Variants in RNF217 observed in about 807,000 individuals in gnomAD.
The protein encoded by RNF217 is E3 ubiquitin-protein ligase RNF217.
Under a neutral mutation model 57.8 loss-of-function variants are expected in RNF217, and 31 were observed. That is an observed-to-expected ratio of 0.54 (90% CI 0.40 to 0.72). The LOEUF is 0.72. Among genes scored for constraint, RNF217 ranks in the 30% least tolerant of loss-of-function variants. The pLI is 0.00. For synonymous variants in RNF217, 313 were observed against 294.0 expected, an observed-to-expected ratio of 1.06 and a Z score of -0.66; for missense variants, 696 against 708.3, an observed-to-expected ratio of 0.98 and a Z score of 0.20.
At chr6:125,024,129 C>T (rs959299388) in intron 1 of RNF217, among the ~76,000 whole-genome samples, 5 of 152,128 alleles carry the variant, frequency 3.3e-5, no homozygotes, top group African/African-American at 1.2e-4. Flanking sequence ...ACAAAGAGTA[C>T]TCCAAAGCCT....
At chr6:125,062,819 G>A (rs1435100073) in intron 3 of RNF217, among the ~76,000 whole-genome samples, 1 of 152,050 alleles carries the variant, frequency 6.6e-6, no homozygotes, top group Admixed American at 6.6e-5. Flanking sequence ...CAGGTGATCC[G>A]CCCACCTCAG....
At chr6:125,006,317 T>A (rs1562464186) in intron 1 of RNF217, 1 of 152,166 alleles carries the variant, frequency 6.6e-6, no homozygotes, top group Admixed American at 6.5e-5. Context: ...AAAGAGTTGT[T>A]CAATGCAGGT....
At chr6:125,050,517 A>G (rs9482588) in intron 2 of RNF217, among the ~76,000 whole-genome samples, 1,746 of 152,082 alleles carry the variant, frequency 0.011, 26 homozygotes, top group African/African-American at 0.036. Context: ...CACTACACAA[A>G]TATTTTCTCA....
chr6:125,081,384 T>C, intron 4 of RNF217, 52 bp from the exon 5 acceptor site: 2 of 1,339,648 alleles, frequency 1.5e-6, no homozygotes, highest in Non-Finnish European at 2.1e-6. Context: ...CTGTAATTAT[T>C]TGGTAGGTTA....
chr6:125,037,890 A>G (rs1229783859), intron 1 of RNF217, among the ~76,000 whole-genome samples: 1 of 152,200 alleles, frequency 6.6e-6, no homozygotes, highest in South Asian at 2.1e-4. Context: ...GTAAACTATC[A>G]TGACCAACAC....
At chr6:124,984,541 CAAAAAAA>C (rs750251821) in intron 1 of RNF217, among the ~76,000 whole-genome samples, 8 of 74,232 alleles carry the variant, frequency 1.1e-4, no homozygotes, top group Admixed American at 3.0e-4. Flanking sequence ...GACCCTTTCT[CAAAAAAA>C]AAAAAAAAAA....
intron 1 of RNF217, among the ~76,000 whole-genome samples, chr6:125,014,858 G>A (rs1785545875): frequency 6.6e-6 from 1 of 152,086 alleles, no homozygotes; most frequent in African/African-American, 2.4e-5. Context: ...TAGGGACTCA[G>A]TCATGCATGT....
At chr6:124,989,049 ATAATT>A (rs1404216864) in intron 1 of RNF217, among the ~76,000 whole-genome samples, 3 of 94,710 alleles carry the variant, frequency 3.2e-5, no homozygotes, top group African/African-American at 9.1e-5. Context: ...CTGCTACAAT[ATAATT>A]TAATTTGCTT....
At chr6:125,010,452 C>G (rs1019393553) in intron 1 of RNF217, among the ~76,000 whole-genome samples, 1 of 152,086 alleles carries the variant, frequency 6.6e-6, no homozygotes, top group Non-Finnish European at 1.5e-5. Flanking sequence ...TCTAAACAAG[C>G]AATTCATGAA....
intron 1 of RNF217, among the ~76,000 whole-genome samples, chr6:125,044,692 G>T (rs1582746800): frequency 6.6e-6 from 1 of 152,084 alleles, no homozygotes; most frequent in East Asian, 1.9e-4. Flanking sequence ...GTTATTTTTT[G>T]TAACAATTTT....
chr6:124,965,529 CAT>C (rs1783505013), intron 1 of RNF217, among the ~76,000 whole-genome samples: 1 of 152,094 alleles, frequency 6.6e-6, no homozygotes, highest in African/African-American at 2.4e-5. Flanking sequence ...GCCAAGATCA[CAT>C]GATTGCACTC....
intron 3 of RNF217, among the ~76,000 whole-genome samples, chr6:125,075,573 G>A (rs1788330666): frequency 6.6e-6 from 1 of 152,056 alleles, no homozygotes; most frequent in Non-Finnish European, 1.5e-5. Context: ...GAAGGAAACT[G>A]CCCCCATGAT....
chr6:124,974,595 A>G (rs1024814599), intron 1 of RNF217, among the ~76,000 whole-genome samples: 11 of 152,184 alleles, frequency 7.2e-5, no homozygotes, highest in African/African-American at 2.7e-4. Flanking sequence ...TTTCCTTTCC[A>G]TTAGAGTATA....
chr6:124,968,000 G>A (rs1783613591), intron 1 of RNF217, among the ~76,000 whole-genome samples: 1 of 152,132 alleles, frequency 6.6e-6, no homozygotes, highest in Non-Finnish European at 1.5e-5. Context: ...GGCTGGTCTC[G>A]AACTCCTGAC....
intron 1 of RNF217, among the ~76,000 whole-genome samples, chr6:124,998,203 TCA>T (rs1219958193): frequency 1.3e-5 from 2 of 152,222 alleles, no homozygotes; most frequent in Admixed American, 6.5e-5. Context: ...CCTTATTTTT[TCA>T]CACTTTACTT....
rs1182394653 is a variant in RNF217 at position 125,090,250 on chromosome 6, T to G, written c.*7313T>G. The G allele has an allele frequency of 6.6e-6, 1 of 152,108 alleles. No homozygotes were observed. Among genetic ancestry groups the G allele is most frequent in the African/African-American group, 2.4e-5 (1 of 41,444 alleles). 9.4% of individuals were successfully genotyped at this position (152,108 alleles called of 1,614,324 possible). A position where few individuals can be genotyped will look rare whatever the true frequency, so the allele number is the denominator to read the frequency against. On this transcript the variant is annotated 3_prime_UTR_variant, in exon 6 of 6. Transcript: ENST00000521654. The stretch of plus-strand genomic sequence containing the variant: ...TTTTTAATATGAAAATTGACAATTT[T>G]GTTGCTTTTAGAAGCAATTAACATA...
At chr6:124,981,589 T>G (rs752579691) in intron 1 of RNF217, among the ~76,000 whole-genome samples, 7 of 152,152 alleles carry the variant, frequency 4.6e-5, no homozygotes, top group Non-Finnish European at 7.3e-5. Flanking sequence ...CCTTTTTACA[T>G]AAACAGCAAG....
intron 1 of RNF217, among the ~76,000 whole-genome samples, chr6:125,014,602 T>C (rs1455405220): frequency 6.6e-6 from 1 of 152,134 alleles, no homozygotes; most frequent in Non-Finnish European, 1.5e-5. Context: ...GATAACTGAA[T>C]CTTTTAGCCA....
intron 1 of RNF217, among the ~76,000 whole-genome samples, chr6:124,988,034 G>C (rs530868318): frequency 7.9e-5 from 12 of 152,084 alleles, no homozygotes; most frequent in Non-Finnish European, 1.2e-4. Flanking sequence ...GATAATGCTC[G>C]GGTGAGCGAG....
Sources: allele counts gnomAD v4.1 joint callset (sites outside exome capture counted in the v4.1 genomes callset), GRCh38; gene constraint gnomAD v4.1.1; transcripts MANE v1.5; gene names NCBI Gene and HGNC (gene_info 2026-07-23, HGNC 2026-07-21).